AGAP3: variants seen among roughly 807,000 people sequenced by gnomAD.
The protein encoded by AGAP3 is ArfGAP with GTPase domain, ankyrin repeat and PH domain 3, also known as arf-GAP with GTPase, ANK repeat and PH domain-containing protein 3.
AGAP3 carries 24 observed loss-of-function variants against 96.9 expected under a neutral mutation model. The ratio of observed to expected loss-of-function variants is 0.25; its 90% confidence interval spans 0.18 to 0.35. AGAP3 has a LOEUF of 0.35. Among genes scored for constraint, AGAP3 ranks in the 10% least tolerant of loss-of-function variants. The probability of loss-of-function intolerance (pLI) is 1.00; values close to 1 mark genes in which losing one functional copy is unlikely to be tolerated. For missense variants in AGAP3, 876 were observed against 1,254.2 expected (o/e 0.70, Z 4.55); for synonymous variants, 563 against 536.1 (o/e 1.05, Z -0.69).
At position 151,142,381 on chromosome 7, in the gene AGAP3, G is replaced by C. The variant is rs1159018245; in HGVS notation, c.2051-31G>C. ...CCCGCGCTCTGGTGGCCTGCCTGCT[G>C]TCGCTGTATCATTCTCCTCTCCTTG... On this transcript the variant is annotated intron_variant, in intron 15 of 17. Transcript: ENST00000397238. This position sits in a 1 kb window ranked among gnomAD's most constrained non-coding sequence, Gnocchi z 7.5. 1 of 1,605,214 alleles carries C rather than the reference G, an allele frequency of 6.2e-7. No individual in the cohort carries two copies. The highest frequency in any genetic ancestry group is 1.3e-5 in the African/African-American group (1 of 74,780).
intron 11 of AGAP3, 74 bp from the exon 12 acceptor site, chr7:151,138,069 A>G (rs945480486): frequency 4.2e-6 from 5 of 1,185,080 alleles, no homozygotes; most frequent in Non-Finnish European, 6.0e-6. Context: ...CTGCAGCTCT[A>G]TTTTTAGGAT....
intron 1 of AGAP3, among the ~76,000 whole-genome samples, chr7:151,087,532 G>A (rs1194123496): frequency 6.6e-6 from 1 of 152,094 alleles, no homozygotes; most frequent in African/African-American, 2.4e-5. Flanking sequence ...GGTGGCGCTC[G>A]CCGCGGCGCC....
At chr7:151,115,148 C>T (rs1185286710) in intron 1 of AGAP3, 16 of 1,045,702 alleles carry the variant, frequency 1.5e-5, no homozygotes, top group Admixed American at 5.3e-5. Context: ...GGCCGGCCAG[C>T]ATGACTTTCC....
At chr7:151,119,886 C>T in intron 7 of AGAP3, 101 bp from the exon 8 acceptor site, 1 of 1,181,274 alleles carries the variant, frequency 8.5e-7, no homozygotes, top group Non-Finnish European at 1.2e-6. Context: ...TGCCCATGAG[C>T]CCCGGCCAGG....
intron 1 of AGAP3, among the ~76,000 whole-genome samples, chr7:151,111,831 G>A (rs868541676): frequency 2.6e-5 from 4 of 151,286 alleles, no homozygotes; most frequent in East Asian, 3.9e-4. Context: ...CTCAGCCCCT[G>A]AGAGTCACAT....
In AGAP3 at chr7:151,138,260, C is replaced by T; in HGVS notation, c.1613C>T (p.Ala538Val). Residue 538 changes from alanine to valine, a missense_variant, in exon 12 of 18, where the codon GCC becomes GTC. This residue lies in a region of AGAP3 where 155 missense variants were observed against 144.4 expected (regional missense o/e 1.07). Coordinates refer to ENST00000397238, the MANE Select transcript of AGAP3 (RefSeq NM_031946.7). The stretch of plus-strand genomic sequence containing the variant: ...CAGCGCTCCTGCTCCGTTTCCAGCG[C>T]CGACCAGTGGAGTGAGGCCACCACT... ...LHQRSCSVSS[A>V]DQWSEATTSL... 1 of 1,612,958 alleles carries T rather than the reference C, an allele frequency of 6.2e-7. No homozygotes were observed. Among genetic ancestry groups the T allele is most frequent in the Non-Finnish European group, 8.5e-7 (1 of 1,179,828 alleles).
In AGAP3 at chr7:151,118,516, G is replaced by A; in HGVS notation, c.853G>A (p.Val285Ile). Residue 285 changes from valine to isoleucine, a missense_variant, in exon 7 of 18, where the codon GTA (valine) becomes ATA (isoleucine). By Grantham distance (29) the Val-to-Ile change is conservative. Transcript: ENST00000397238. The surrounding 1 kb of genome is among the most constrained non-coding windows in gnomAD (Gnocchi z 6.1). ...ERVFQDVAQK[V>I]VALRKKQQLA... is the part of the protein sequence containing the mutation. ...GCTGTCCCCTGCAGTGGCCCAGAAG[G>A]TAGTGGCCTTGCGAAAGAAGCAGCA... is the stretch of plus-strand genomic sequence containing the variant. 6.2e-7 allele frequency: 1 copy of A among 1,614,156 alleles called. No homozygotes were observed.
chr7:151,126,137 G>A (rs919069496), intron 9 of AGAP3, among the ~76,000 whole-genome samples: 33 of 151,716 alleles, frequency 2.2e-4, no homozygotes, highest in African/African-American at 7.5e-4. Context: ...CGGCTCCCTC[G>A]CCTCCGCCTG....
At chr7:151,122,075 T>G (rs1799921683) in intron 8 of AGAP3, among the ~76,000 whole-genome samples, 1 of 152,220 alleles carries the variant, frequency 6.6e-6, no homozygotes, top group African/African-American at 2.4e-5. Context: ...AGGGGTCCTC[T>G]GGTGGTCGGG....
intron 12 of AGAP3, among the ~76,000 whole-genome samples, chr7:151,138,614 T>A (rs1393076374): frequency 6.6e-6 from 1 of 152,202 alleles, no homozygotes; most frequent in Non-Finnish European, 1.5e-5. Flanking sequence ...GCCCACCCTC[T>A]GCAGCTCCTC....
intron 9 of AGAP3, 100 bp downstream of exon 9, chr7:151,123,986 G>A: frequency 8.3e-7 from 1 of 1,205,930 alleles, no homozygotes; most frequent in Non-Finnish European, 1.2e-6. Flanking sequence ...TGGGGGAGAT[G>A]GCATCAGAGG....
At chr7:151,107,627 A>T (rs979206713) in intron 1 of AGAP3, among the ~76,000 whole-genome samples, 1 of 151,976 alleles carries the variant, frequency 6.6e-6, no homozygotes, top group Admixed American at 6.5e-5. Context: ...GTCTCAAAAA[A>T]ATTTTTTTTT....
At chr7:151,105,224 G>T (rs758518959) in intron 1 of AGAP3, among the ~76,000 whole-genome samples, 1 of 152,130 alleles carries the variant, frequency 6.6e-6, no homozygotes, top group Non-Finnish European at 1.5e-5. Context: ...ATTCCAAGGG[G>T]GAACAGTCTT....
intron 1 of AGAP3, among the ~76,000 whole-genome samples, chr7:151,089,177 A>G (rs887969323): frequency 1.3e-5 from 2 of 149,106 alleles, no homozygotes; most frequent in African/African-American, 5.0e-5. Context: ...AAAAAAAACC[A>G]CTCCTTCTCC....
chr7:151,104,991 G>A (rs541605264), intron 1 of AGAP3, among the ~76,000 whole-genome samples: 1 of 152,346 alleles, frequency 6.6e-6, no homozygotes, highest in South Asian at 2.1e-4. Context: ...GAACTGCAGC[G>A]TGAGCAGGAG....
In AGAP3 at chr7:151,139,880, C is replaced by A; in HGVS notation, c.1667-99C>A. ...GGCTCTCCTGAGTGTGGCCCAGCTA[C>A]AGTTGGCAGGACTGGTCCTCTCCTC... is the stretch of plus-strand genomic sequence containing the variant. On this transcript the variant is annotated intron_variant, in intron 12 of 17. Transcript: ENST00000397238. This position sits in a 1 kb window ranked among gnomAD's most constrained non-coding sequence, Gnocchi z 4.9. 8.4e-7 allele frequency: 1 copy of A among 1,186,698 alleles called. No individual in the cohort carries two copies. The highest frequency in any genetic ancestry group is 1.1e-6 in the Non-Finnish European group (1 of 905,504). The allele number at this position is 1,186,698 out of a possible 1,614,324, so 73.5% of individuals were successfully genotyped here.
upstream of AGAP3, among the ~76,000 whole-genome samples, chr7:151,086,272 G>T (rs1342770267): frequency 6.6e-6 from 1 of 150,624 alleles, no homozygotes. Context: ...GGGCCGGGGC[G>T]CCAGGGCTGG....
Position 151,140,127 on chromosome 7 carries a change from C to T in AGAP3, c.1804+11C>T. On this transcript the variant is annotated intron_variant, in intron 13 of 17. Coordinates refer to ENST00000397238, the MANE Select transcript of AGAP3 (RefSeq NM_031946.7). This position sits in a 1 kb window ranked among gnomAD's most constrained non-coding sequence, Gnocchi z 5.4. ...GCAGTGCTACTGAAGGTTAGGGGGA[C>T]CCAGAGGGAAACCGGGCACAGGAGG... The T allele has an allele frequency of 1.9e-6, 3 of 1,569,182 alleles. No homozygotes were observed. Among genetic ancestry groups the T allele is most frequent in the Non-Finnish European group, 2.6e-6 (3 of 1,159,588 alleles).
At chr7:151,115,143 G>A in intron 1 of AGAP3, 1 of 1,045,244 alleles carries the variant, frequency 9.6e-7, no homozygotes, top group South Asian at 3.1e-5. Context: ...GCCCCGGCCG[G>A]CCAGCATGAC....
Sources: gnomAD v4.1 joint callset for allele counts (sites outside exome capture counted in the v4.1 genomes callset) on GRCh38, gnomAD v4.1.1 for gene constraint, gnomAD v4.1.1 regional missense constraint, Gnocchi (gnomAD v3.1) non-coding constraint, MANE v1.5 for transcripts, NCBI Gene and HGNC (gene_info 2026-07-23, HGNC 2026-07-21) for gene names.